PDSS2: variants seen among roughly 807,000 people sequenced by gnomAD.
PDSS2 encodes the protein decaprenyl diphosphate synthase subunit 2, also known as all trans-polyprenyl-diphosphate synthase PDSS2.
In PDSS2, 31 loss-of-function variants were observed where a neutral mutation model predicts 44.5. The ratio of observed to expected loss-of-function variants is 0.70; its 90% confidence interval spans 0.52 to 0.94. PDSS2 has a LOEUF of 0.94. PDSS2 is among the 40% of genes least tolerant of loss of function. The pLI is 0.00. For missense variants in PDSS2, 452 were observed against 482.2 expected (o/e 0.94, Z 0.59); for synonymous variants, 157 against 180.3 (o/e 0.87, Z 1.03).
At chr6:107,161,574 C>T (rs1771136322) in intron 7 of PDSS2, among the ~76,000 whole-genome samples, 1 of 151,964 alleles carries the variant, frequency 6.6e-6, no homozygotes. Context: ...TGAACCATGG[C>T]CCTAGGCTAA....
chr6:107,274,980 C>T (rs1775730361), intron 2 of PDSS2, among the ~76,000 whole-genome samples: 1 of 152,134 alleles, frequency 6.6e-6, no homozygotes, highest in Non-Finnish European at 1.5e-5. Flanking sequence ...GCTACATTAT[C>T]TCTTTTAATC....
At chr6:107,183,886 C>T (rs999006451) in intron 7 of PDSS2, among the ~76,000 whole-genome samples, 7 of 139,864 alleles carry the variant, frequency 5.0e-5, no homozygotes, top group African/African-American at 1.0e-4. Flanking sequence ...CAGAGTGAGA[C>T]TCCATCTCAA....
intron 1 of PDSS2, among the ~76,000 whole-genome samples, chr6:107,432,567 G>A (rs1781223482): frequency 6.6e-6 from 1 of 152,128 alleles, no homozygotes; most frequent in Non-Finnish European, 1.5e-5. Flanking sequence ...AAGGCAGGCG[G>A]ATCACTTGAG....
chr6:107,376,541 A>G (rs1779291236), intron 1 of PDSS2, among the ~76,000 whole-genome samples: 1 of 152,082 alleles, frequency 6.6e-6, no homozygotes, highest in Admixed American at 6.6e-5. Flanking sequence ...ATGGGGGTTC[A>G]CTCATGATTT....
At chr6:107,202,413 AAAC>A (rs1772816344) in intron 6 of PDSS2, among the ~76,000 whole-genome samples, 1 of 151,922 alleles carries the variant, frequency 6.6e-6, no homozygotes, top group South Asian at 2.1e-4. Context: ...AAACAAAACA[AAAC>A]AAAACAGTGT....
At chr6:107,275,494 T>C (rs894211142) in intron 2 of PDSS2, among the ~76,000 whole-genome samples, 3 of 152,032 alleles carry the variant, frequency 2.0e-5, no homozygotes, top group African/African-American at 7.2e-5. Flanking sequence ...CTTTGGCCAA[T>C]AGGACATCAA....
At chr6:107,225,611 C>T (rs2114705909) in intron 4 of PDSS2, among the ~76,000 whole-genome samples, 1 of 152,064 alleles carries the variant, frequency 6.6e-6, no homozygotes, top group East Asian at 1.9e-4. Context: ...TGGCTGGCTA[C>T]CACAGATGAA....
At chr6:107,354,484 A>G (rs1269636028) in intron 1 of PDSS2, among the ~76,000 whole-genome samples, 2 of 152,258 alleles carry the variant, frequency 1.3e-5, no homozygotes, top group Non-Finnish European at 2.9e-5. Context: ...TCTGAATTCC[A>G]CTGTTTTAAC....
intron 2 of PDSS2, among the ~76,000 whole-genome samples, chr6:107,296,543 T>C (rs1040211289): frequency 1.3e-5 from 2 of 152,056 alleles, no homozygotes; most frequent in African/African-American, 4.8e-5. Context: ...CTGGCCAATA[T>C]AGTGAAACCT....
At chr6:107,452,277 G>A (rs888445975) in intron 1 of PDSS2, among the ~76,000 whole-genome samples, 2 of 149,136 alleles carry the variant, frequency 1.3e-5, no homozygotes, top group South Asian at 2.1e-4. Context: ...TCACTCTGTT[G>A]CCCAGGCTGG....
intron 4 of PDSS2, among the ~76,000 whole-genome samples, chr6:107,234,393 C>T (rs1313042549): frequency 5.3e-5 from 8 of 151,868 alleles, no homozygotes; most frequent in South Asian, 2.1e-4. Context: ...TTAGTAGCGA[C>T]GGCGTTTCAC....
intron 7 of PDSS2, among the ~76,000 whole-genome samples, chr6:107,161,157 G>A (rs1476898667): frequency 1.3e-5 from 2 of 151,876 alleles, no homozygotes; most frequent in African/African-American, 2.4e-5. Flanking sequence ...TTACAGGCGT[G>A]AGCCACCACT....
At chr6:107,264,197 A>C in intron 3 of PDSS2, 1 of 1,050,150 alleles carries the variant, frequency 9.5e-7, no homozygotes, top group East Asian at 3.5e-5. Flanking sequence ...AGACAATAGC[A>C]TCTTTATTAA....
At chr6:107,395,084 TG>T (rs927419302) in intron 1 of PDSS2, among the ~76,000 whole-genome samples, 39 of 152,206 alleles carry the variant, frequency 2.6e-4, no homozygotes, top group African/African-American at 8.7e-4. Context: ...TTGACAGCTT[TG>T]TTTTTCCTCT....
rs60988844 is a variant in PDSS2, at chr6:107,227,278, C to CTTTTT, written c.703-15001_703-14997dup. ...GATTATAGGTGTAAGCCACTGTGCC[C>CTTTTT]TTTTTTTTTTTTTTTTTTTTTTTTT... On this transcript the variant is annotated intron_variant, in intron 4 of 7. Transcript: ENST00000369037. 1.8e-3 allele frequency among the ~76,000 whole-genome samples: 186 copies of CTTTTT among 102,780 alleles called. 21 individuals carry two copies. Among genetic ancestry groups the CTTTTT allele is most frequent in the African/African-American group, 4.4e-3 (115 of 25,986 alleles). The allele number at this position is 102,780 out of a possible 152,430, so 67.4% of individuals were successfully genotyped here.
rs7744216 is a variant in PDSS2, at chr6:107,347,426, C to T, written c.297-13094G>A. On this transcript the variant is annotated intron_variant, in intron 1 of 7. Transcript: ENST00000369037. Reference sequence around the variant, plus strand: ...CTGGGATTACAGGCGCCTGCCATCACGCCTGGCTAACTTTTTGTCTTTTCA... The same window carrying T: ...CTGGGATTACAGGCGCCTGCCATCATGCCTGGCTAACTTTTTGTCTTTTCA... Among the ~76,000 whole-genome samples the T allele has an allele frequency of 1.5e-3, 234 of 152,102 alleles. 2 individuals are homozygous for T. Among genetic ancestry groups the T allele is most frequent in the African/African-American group, 5.4e-3 (224 of 41,496 alleles).
At position 107,314,563 on chromosome 6, in the gene PDSS2, A is replaced by G. The variant is rs111343438; in HGVS notation, c.431+19635T>C. ...GCCATCCACAAAGGGCTAGCTATCCAAAATAATCATGCTGCTTTCCAGAGA... is the reference window on the plus strand; with the variant it reads ...GCCATCCACAAAGGGCTAGCTATCCGAAATAATCATGCTGCTTTCCAGAGA... On this transcript the variant is annotated intron_variant, in intron 2 of 7. Coordinates refer to ENST00000369037, the MANE Select transcript of PDSS2 (RefSeq NM_020381.4). Among the ~76,000 whole-genome samples, 288 of 152,298 alleles carry G rather than the reference A, an allele frequency of 1.9e-3. 5 individuals are homozygous for G. Among genetic ancestry groups the G allele is most frequent in the African/African-American group, 6.8e-3 (281 of 41,574 alleles).
At chr6:107,384,113 G>T (rs1779534282) in intron 1 of PDSS2, among the ~76,000 whole-genome samples, 1 of 152,036 alleles carries the variant, frequency 6.6e-6, no homozygotes, top group Non-Finnish European at 1.5e-5. Context: ...CAACATAGAC[G>T]AACCCTGAAG....
chr6:107,445,702 C>G (rs1442082265), intron 1 of PDSS2, among the ~76,000 whole-genome samples: 1 of 152,184 alleles, frequency 6.6e-6, no homozygotes, highest in African/African-American at 2.4e-5. Context: ...TGCTTGAGAA[C>G]TGACGACGGC....
Sources: allele counts gnomAD v4.1 joint callset (sites outside exome capture counted in the v4.1 genomes callset), GRCh38; gene constraint gnomAD v4.1.1; transcripts MANE v1.5; gene names NCBI Gene and HGNC (gene_info 2026-07-23, HGNC 2026-07-21).